The following GRK3 variants were observed in gnomAD, a reference collection of about 807,000 sequenced individuals.
GRK3 encodes the protein adrenergic, beta, receptor kinase 2.
Under a neutral mutation model 95.7 loss-of-function variants are expected in GRK3, and 54 were observed. The observed-to-expected ratio is 0.56, with a 90% CI of 0.45 to 0.71. The LOEUF (loss-of-function observed/expected upper bound fraction) is 0.71. Ranked by LOEUF, GRK3 falls within the 30% of genes least tolerant of loss-of-function variation. The probability of loss-of-function intolerance (pLI) is 0.00; values close to 1 mark genes in which losing one functional copy is unlikely to be tolerated. For missense variants in GRK3, 649 were observed against 851.2 expected (o/e 0.76, Z 2.96); for synonymous variants, 281 against 290.8 (o/e 0.97, Z 0.34).
intron 2 of GRK3, among the ~76,000 whole-genome samples, chr22:25,628,442 G>A (rs1374279651): frequency 1.3e-5 from 2 of 152,148 alleles, no homozygotes; most frequent in African/African-American, 4.8e-5. Context: ...AAAATATTTG[G>A]CACAACCCAA....
rs546664222 is a variant in GRK3, at chr22:25,703,808, C to T, written c.1227+232C>T. ...CAAGGCAAAAATCAGGATTTACTAA[C>T]GAACAGTATGAGGAAGCTAAAGAAA... On this transcript the variant is annotated intron_variant, in intron 14 of 20. Coordinates refer to ENST00000324198, the MANE Select transcript of GRK3 (RefSeq NM_005160.4). Among the ~76,000 whole-genome samples, 29 of 152,170 alleles carry T rather than the reference C, an allele frequency of 1.9e-4. 1 individual carries two copies. Among genetic ancestry groups the T allele is most frequent in the Middle Eastern group, 6.8e-3 (2 of 294 alleles).
At chr22:25,678,476 A>G (rs888906600) in intron 8 of GRK3, among the ~76,000 whole-genome samples, 2 of 152,202 alleles carry the variant, frequency 1.3e-5, no homozygotes, top group Non-Finnish European at 2.9e-5. Flanking sequence ...AAAACAAAAA[A>G]CAAACAATTG....
At chr22:25,647,071 C>T (rs1294456625) in intron 3 of GRK3, among the ~76,000 whole-genome samples, 2 of 144,658 alleles carry the variant, frequency 1.4e-5, no homozygotes, top group African/African-American at 5.1e-5. Context: ...AAATGGCCAT[C>T]ATTAAAGGAG....
rs2085491144 is a variant in GRK3, at chr22:25,728,414, C to T, written c.*5964C>T. On this transcript the variant is annotated 3_prime_UTR_variant, in exon 21 of 21. Transcript: ENST00000324198. ...GTAAGACTTTGCAGTGTCATTCCCT[C>T]AGAACCTAGGTTTGTTTCTAAAGCC... 6.6e-6 allele frequency: 1 copy of T among 152,218 alleles called. No individual in the cohort carries two copies. Among genetic ancestry groups the T allele is most frequent in the Non-Finnish European group, 1.5e-5 (1 of 68,056 alleles). 9.4% of individuals were successfully genotyped at this position (152,218 alleles called of 1,614,324 possible).
chr22:25,599,760 C>T (rs2146336330), intron 1 of GRK3, among the ~76,000 whole-genome samples: 1 of 152,092 alleles, frequency 6.6e-6, no homozygotes, highest in South Asian at 2.1e-4. Flanking sequence ...CTAATAAGCA[C>T]ATGAAAAAAT....
intron 2 of GRK3, among the ~76,000 whole-genome samples, chr22:25,609,515 A>G (rs2084479460): frequency 2.0e-5 from 3 of 151,686 alleles, no homozygotes; most frequent in Non-Finnish European, 2.9e-5. Context: ...TATTTTTAGT[A>G]GAGATGGGGT....
At chr22:25,587,782 G>A (rs1299004721) in intron 1 of GRK3, among the ~76,000 whole-genome samples, 4 of 152,188 alleles carry the variant, frequency 2.6e-5, no homozygotes, top group Non-Finnish European at 5.9e-5. Flanking sequence ...GAGATCTGAT[G>A]GTTTGATAAG....
intron 1 of GRK3, among the ~76,000 whole-genome samples, chr22:25,572,307 G>T (rs996378307): frequency 6.6e-6 from 1 of 152,042 alleles, no homozygotes; most frequent in Non-Finnish European, 1.5e-5. Flanking sequence ...AAATAGTGCC[G>T]CAATAAACAT....
At position 25,678,933 on chromosome 22, in the gene GRK3, A is replaced by C. The variant is rs1224232495; in HGVS notation, c.747+18A>C. On this transcript the variant is annotated intron_variant, in intron 9 of 20. Coordinates refer to ENST00000324198, the MANE Select transcript of GRK3 (RefSeq NM_005160.4). ...GCACAGGAGTAAGTATTCAATTTCC[A>C]GCATTTCTTTTAAAAATGTTTTGTT... The C allele has an allele frequency of 3.5e-6, 5 of 1,443,450 alleles. No individual in the cohort carries two copies. The highest frequency in any genetic ancestry group is 3.8e-6 in the Non-Finnish European group (4 of 1,053,032). 89.4% of individuals were successfully genotyped at this position (1,443,450 alleles called of 1,614,324 possible). A position where few individuals can be genotyped will look rare whatever the true frequency, so the allele number is the denominator to read the frequency against.
Position 25,570,717 on chromosome 22 carries a change from C to T in GRK3, c.113+5564C>T, listed in dbSNP as rs190486946. On this transcript the variant is annotated intron_variant, in intron 1 of 20. Transcript: ENST00000324198. Reference sequence around the variant, plus strand: ...TGCATGCAAATGGGACTGGATATCCCGGCCCCCCTCTGCTTCTCCTGTGTC... The same window carrying T: ...TGCATGCAAATGGGACTGGATATCCTGGCCCCCCTCTGCTTCTCCTGTGTC... 7.0e-4 allele frequency among the ~76,000 whole-genome samples: 106 copies of T among 152,268 alleles called. 2 individuals are homozygous for T. The highest frequency in any genetic ancestry group is 2.3e-3 in the African/African-American group (97 of 41,556).
At chr22:25,629,107 C>T (rs2084647248) in intron 2 of GRK3, among the ~76,000 whole-genome samples, 1 of 152,104 alleles carries the variant, frequency 6.6e-6, no homozygotes, top group Middle Eastern at 3.2e-3. Context: ...CCAGATCATG[C>T]TCTGAAAATG....
chr22:25,643,224 G>A (rs934954323), intron 2 of GRK3, among the ~76,000 whole-genome samples: 2 of 152,166 alleles, frequency 1.3e-5, no homozygotes. Flanking sequence ...GCCTATGTTG[G>A]GGTCGTTGCA....
rs201168646 is a variant in GRK3, at chr22:25,663,624, T to G, written c.367-6T>G. On this transcript the variant is annotated splice_polypyrimidine_tract_variant and splice_region_variant and intron_variant, in intron 4 of 20. Coordinates refer to ENST00000324198, the MANE Select transcript of GRK3 (RefSeq NM_005160.4). ...TATTTAAAAATATTATTTTTGACTT[T>G]GATAGCCTTTCTCAAAGCAAGCTGT... 6.3e-6 allele frequency: 10 copies of G among 1,593,994 alleles called. No individual in the cohort carries two copies. In the African/African-American group the frequency reaches 1.3e-4, roughly 21 times the overall value.
chr22:25,587,637 T>C (rs1210160523), intron 1 of GRK3, among the ~76,000 whole-genome samples: 6 of 152,102 alleles, frequency 3.9e-5, no homozygotes, highest in Non-Finnish European at 7.4e-5. Context: ...GTGGTTTGGC[T>C]GTATCCCCAC....
chr22:25,592,963 G>A (rs1297842700), intron 1 of GRK3, among the ~76,000 whole-genome samples: 2 of 152,114 alleles, frequency 1.3e-5, no homozygotes, highest in Non-Finnish European at 2.9e-5. Flanking sequence ...ACCTACCGCT[G>A]CATTCACATT....
chr22:25,719,210 A>AC lies in GRK3; in HGVS notation c.1791+830dup, dbSNP rs397814988. 1.3e-4 allele frequency among the ~76,000 whole-genome samples: 20 copies of AC among 151,488 alleles called. No individual in the cohort carries two copies. The East Asian group carries it at 3.7e-3, about 28-fold the overall frequency. On this transcript the variant is annotated intron_variant, in intron 19 of 20. Transcript: ENST00000324198. ...TCAAGTGCTGTTAAAAAAAAAAAAA[A>AC]CTCCATGTGTTTGGGAACCTTTGAG... is the stretch of plus-strand genomic sequence containing the variant.
intron 1 of GRK3, among the ~76,000 whole-genome samples, chr22:25,602,511 C>T (rs2084416162): frequency 6.6e-6 from 1 of 152,170 alleles, no homozygotes; most frequent in Admixed American, 6.5e-5. Context: ...CATAAAAAGA[C>T]TTATACATAG....
At chr22:25,686,992 G>T (rs2085119938) in intron 10 of GRK3, among the ~76,000 whole-genome samples, 1 of 152,050 alleles carries the variant, frequency 6.6e-6, no homozygotes, top group South Asian at 2.1e-4. Flanking sequence ...GCTAATTTTT[G>T]TATTTTTAAT....
At chr22:25,618,326 T>C (rs2084555374) in intron 2 of GRK3, among the ~76,000 whole-genome samples, 1 of 152,246 alleles carries the variant, frequency 6.6e-6, no homozygotes, top group South Asian at 2.1e-4. Context: ...TTGACTTATT[T>C]ATATCACAGT....
Sources: allele counts gnomAD v4.1 joint callset (sites outside exome capture counted in the v4.1 genomes callset), GRCh38; gene constraint gnomAD v4.1.1; transcripts MANE v1.5; gene names NCBI Gene and HGNC (gene_info 2026-07-23, HGNC 2026-07-21).